The following CCDC138 variants were observed in gnomAD, a reference collection of about 807,000 sequenced individuals.
CCDC138 encodes coiled-coil domain containing 138.
Under a neutral mutation model 82.3 loss-of-function variants are expected in CCDC138, and 66 were observed. The observed-to-expected ratio is 0.80, with a 90% CI of 0.66 to 0.98. CCDC138 has a LOEUF of 0.98. Ranked by LOEUF, CCDC138 falls within the 50% of genes least tolerant of loss-of-function variation. The pLI, the probability that CCDC138 is intolerant of heterozygous loss-of-function variation, is 0.00. For missense variants in CCDC138, 816 were observed against 758.9 expected, an observed-to-expected ratio of 1.08 and a Z score of -0.88; for synonymous variants, 297 against 265.4, an observed-to-expected ratio of 1.12 and a Z score of -1.16.
chr2:108,790,457 C>G (rs1190823470), intron 3 of CCDC138, among the ~76,000 whole-genome samples: 1 of 152,082 alleles, frequency 6.6e-6, no homozygotes, highest in Non-Finnish European at 1.5e-5. Context: ...CCACATGTAC[C>G]TATTGAGTAC....
intron 13 of CCDC138, among the ~76,000 whole-genome samples, chr2:108,861,611 G>T (rs1371699599): frequency 6.6e-6 from 1 of 151,560 alleles, no homozygotes; most frequent in Non-Finnish European, 1.5e-5. Context: ...CTCCTGAGTA[G>T]CTGGGACTAC....
chr2:108,805,828 T>G (rs2149698570), intron 7 of CCDC138, among the ~76,000 whole-genome samples: 1 of 152,334 alleles, frequency 6.6e-6, no homozygotes, highest in African/African-American at 2.4e-5. Context: ...TCTGCCAGTT[T>G]TTGGCAGAAA....
At chr2:108,853,913 AGT>A (rs1692035553) in intron 12 of CCDC138, among the ~76,000 whole-genome samples, 1 of 122,840 alleles carries the variant, frequency 8.1e-6, no homozygotes. Flanking sequence ...TATATTATAT[AGT>A]ATATATATTA....
chr2:108,791,902 G>T, intron 4 of CCDC138, 100 bp downstream of exon 4: 1 of 1,210,600 alleles, frequency 8.3e-7, no homozygotes, highest in South Asian at 1.6e-5. Context: ...CCAAGAGTTT[G>T]CATATTTCTG....
intron 13 of CCDC138, among the ~76,000 whole-genome samples, chr2:108,868,817 G>C (rs1200223609): frequency 6.6e-6 from 1 of 152,182 alleles, no homozygotes; most frequent in Admixed American, 6.5e-5. Flanking sequence ...AAAGCTAAGG[G>C]TTTTTGGGCA....
rs575069969 is a variant in CCDC138 at position 108,846,883 on chromosome 2, C to G, written c.1469C>G (p.Pro490Arg). The G allele has an allele frequency of 1.2e-6, 2 of 1,613,300 alleles. No individual in the cohort carries two copies. Among genetic ancestry groups the G allele is most frequent in the Non-Finnish European group, 1.7e-6 (2 of 1,179,576 alleles). Residue 490 changes from proline (P) to arginine (R), a missense_variant, in exon 12 of 15, where the codon CCA becomes CGA. By Grantham distance (103) the Pro-to-Arg change is moderately radical (BLOSUM62 -2). Coordinates refer to ENST00000295124, the MANE Select transcript of CCDC138 (RefSeq NM_144978.3). ...GCTTTCTTTAAGAGCTCCAATTTGC[C>G]ATTGAGATTTTTATCAACCTTAATT... ...TAAFFKSSNL[P>R]LRFLSTLIVL...
chr2:108,876,270 ATATAG>A lies in CCDC138; in HGVS notation c.*22_*26del. The A allele has an allele frequency of 6.8e-7, 1 of 1,478,812 alleles. No individual in the cohort carries two copies. The highest frequency in any genetic ancestry group is 9.3e-7 in the Non-Finnish European group (1 of 1,076,528). 91.6% of individuals were successfully genotyped at this position (1,478,812 alleles called of 1,614,324 possible). A position where few individuals can be genotyped will look rare whatever the true frequency, so the allele number is the denominator to read the frequency against. On this transcript the variant is annotated 3_prime_UTR_variant, in exon 15 of 15. Transcript: ENST00000295124. ...AGCCCTTAGACTGGCTAATTTTTTA[ATATAG>A]TATATGTGGTGCTTATTTATAAACA...
rs559026669 is a variant in CCDC138, at chr2:108,831,561, A to C, written c.1207-7624A>C. ...GAAAAGACAGTGTTTGCTGTGAAGA[A>C]ACTGAAAGTCAGATATCTAAGAGAA... is the stretch of plus-strand genomic sequence containing the variant. On this transcript the variant is annotated intron_variant, in intron 10 of 14. Coordinates refer to ENST00000295124, the MANE Select transcript of CCDC138 (RefSeq NM_144978.3). Among the ~76,000 whole-genome samples, 131 of 152,338 alleles carry C rather than the reference A, an allele frequency of 8.6e-4. 1 individual carries two copies. Among genetic ancestry groups the C allele is most frequent in the African/African-American group, 2.9e-3 (120 of 41,584 alleles).
At chr2:108,846,706 AAAT>A (rs1282399924) in intron 11 of CCDC138, 29 bp from the exon 12 acceptor site, 1 of 1,560,390 alleles carries the variant, frequency 6.4e-7, no homozygotes, top group Non-Finnish European at 8.7e-7. Context: ...GAACATGAAT[AAAT>A]ATACTAAGAT....
chr2:108,847,433 T>A (rs1161092653), intron 12 of CCDC138, among the ~76,000 whole-genome samples: 1 of 152,214 alleles, frequency 6.6e-6, no homozygotes, highest in Non-Finnish European at 1.5e-5. Flanking sequence ...TCTGGCCCTT[T>A]ACAGAAAATG....
intron 12 of CCDC138, among the ~76,000 whole-genome samples, chr2:108,854,015 ATAATAAATTTATATTAT>A (rs1692147344): frequency 8.7e-6 from 1 of 115,328 alleles, no homozygotes; most frequent in Non-Finnish European, 1.7e-5. Context: ...TATATAATAT[ATAATAAATTTATATTAT>A]ATATAATATA....
intron 10 of CCDC138, among the ~76,000 whole-genome samples, chr2:108,832,587 G>T (rs915826656): frequency 6.1e-4 from 93 of 152,162 alleles, no homozygotes; most frequent in African/African-American, 2.1e-3. Flanking sequence ...CCCAGAATTT[G>T]TATTTCCAAC....
chr2:108,884,316 G>C (rs1022784198), intron 2 of CCDC138: 1 of 152,218 alleles, frequency 6.6e-6, no homozygotes, highest in African/African-American at 2.4e-5. Flanking sequence ...AAGAAAACAG[G>C]TAGAGAGGCA....
At chr2:108,848,486 T>C (rs1350238886) in intron 12 of CCDC138, among the ~76,000 whole-genome samples, 1 of 152,206 alleles carries the variant, frequency 6.6e-6, no homozygotes, top group East Asian at 1.9e-4. Context: ...ATGAATAGGT[T>C]GATGAAGATT....
At chr2:108,815,404 G>A (rs939069424) in intron 9 of CCDC138, among the ~76,000 whole-genome samples, 1 of 148,798 alleles carries the variant, frequency 6.7e-6, no homozygotes, top group Non-Finnish European at 1.5e-5. Context: ...GACTTTTCTT[G>A]CCTTCTCTCA....
In CCDC138 at chr2:108,825,231, A is replaced by G. The variant is rs114303512; in HGVS notation, c.1206+9126A>G. On this transcript the variant is annotated intron_variant, in intron 10 of 14. Coordinates refer to ENST00000295124, the MANE Select transcript of CCDC138 (RefSeq NM_144978.3). ...AGGAGACACAAAAACCAAGAGCACCAAGCAGGCCTGATTATATCTTGTTTT... is the reference window on the plus strand; with the variant it reads ...AGGAGACACAAAAACCAAGAGCACCGAGCAGGCCTGATTATATCTTGTTTT... Among the ~76,000 whole-genome samples the G allele has an allele frequency of 4.6e-3, 693 of 151,954 alleles. 4 individuals are homozygous for G. The highest frequency in any genetic ancestry group is 0.016 in the African/African-American group (660 of 41,522).
rs2149593749 is a variant in CCDC138 at position 108,800,670 on chromosome 2, A to T, written c.735+2084A>T. ...ACTTTAAGTTTTAGGGTACATGTGC[A>T]CATTGTGCAGGTTAGTTACACATGT... On this transcript the variant is annotated intron_variant, in intron 6 of 14. Transcript: ENST00000295124. Among the ~76,000 whole-genome samples, 2 of 104,022 alleles carry T rather than the reference A, an allele frequency of 1.9e-5. 1 individual carries two copies. The highest frequency in any genetic ancestry group is 8.1e-5 in the African/African-American group (2 of 24,592). 68.2% of individuals were successfully genotyped at this position (104,022 alleles called of 152,430 possible).
chr2:108,848,793 A>G (rs1405544357), intron 12 of CCDC138, among the ~76,000 whole-genome samples: 2 of 152,220 alleles, frequency 1.3e-5, no homozygotes, highest in Non-Finnish European at 2.9e-5. Flanking sequence ...AAATCAAAAT[A>G]GGACAAAGGG....
chr2:108,830,632 C>T (rs998376176), intron 10 of CCDC138, among the ~76,000 whole-genome samples: 4 of 151,064 alleles, frequency 2.6e-5, no homozygotes, highest in African/African-American at 9.8e-5. Flanking sequence ...TGTGGTGAAA[C>T]TCTGTCTCTA....
Sources: allele counts gnomAD v4.1 joint callset (sites outside exome capture counted in the v4.1 genomes callset), GRCh38; gene constraint gnomAD v4.1.1; transcripts MANE v1.5; gene names NCBI Gene and HGNC (gene_info 2026-07-23, HGNC 2026-07-21).